The following NTRK3 variants were observed in gnomAD, a reference collection of about 807,000 sequenced individuals.
The protein encoded by NTRK3 is NT-3 growth factor receptor.
In NTRK3, 24 loss-of-function variants were observed where a neutral mutation model predicts 91.7. That is an observed-to-expected ratio of 0.26 (90% CI 0.19 to 0.37). NTRK3 has a LOEUF of 0.37. Among genes scored for constraint, NTRK3 ranks in the 10% least tolerant of loss-of-function variants. The pLI, the probability that NTRK3 is intolerant of heterozygous loss-of-function variation, is 1.00. For missense variants in NTRK3, 880 were observed against 1,068.9 expected (o/e 0.82, Z 2.46); for synonymous variants, 483 against 404.0 (o/e 1.20, Z -2.34).
intron 8 of NTRK3, 82 bp from the exon 9 acceptor site, chr15:88,136,122 A>T: frequency 1.3e-6 from 2 of 1,532,530 alleles, no homozygotes; most frequent in Non-Finnish European, 1.8e-6. Flanking sequence ...TACCTTTAGG[A>T]ATCAAAAGGA....
chr15:88,025,462 C>T (rs1016868174), intron 14 of NTRK3, among the ~76,000 whole-genome samples: 7 of 152,090 alleles, frequency 4.6e-5, no homozygotes, highest in Non-Finnish European at 2.9e-5. Flanking sequence ...ATGGAGTCAC[C>T]GTGGATGTGA....
chr15:87,999,997 A>G lies in NTRK3; in HGVS notation c.1585+32860T>C, dbSNP rs574032440. Among the ~76,000 whole-genome samples the G allele has an allele frequency of 2.0e-5, 3 of 152,338 alleles. No individual in the cohort carries two copies. In the East Asian group the frequency reaches 5.8e-4, roughly 29 times the overall value. On this transcript the variant is annotated intron_variant, in intron 14 of 18. Coordinates refer to ENST00000394480, the Ensembl canonical transcript of NTRK3. ...TGGACTTCTTAGTGCTATGATAGTG[A>G]TACTTATCAGACTTCTTAATGCTAT...
intron 17 of NTRK3, among the ~76,000 whole-genome samples, chr15:87,917,932 G>A (rs1374785021): frequency 6.6e-6 from 1 of 151,844 alleles, no homozygotes; most frequent in African/African-American, 2.4e-5. Flanking sequence ...AGCCACAAGT[G>A]TTTTTTATAG....
intron 14 of NTRK3, among the ~76,000 whole-genome samples, chr15:88,000,257 TCAGACC>T (rs1424190084): frequency 1.3e-5 from 2 of 152,160 alleles, no homozygotes; most frequent in African/African-American, 2.4e-5. Context: ...CCTTGAGTAC[TCAGACC>T]CTCAACACTG....
chr15:88,027,012 A>G (rs1161348140), intron 14 of NTRK3, among the ~76,000 whole-genome samples: 3 of 152,182 alleles, frequency 2.0e-5, no homozygotes, highest in African/African-American at 7.2e-5. Context: ...TCCTTATCCT[A>G]GAAACAGAAG....
intron 13 of NTRK3, among the ~76,000 whole-genome samples, chr15:88,108,975 CCT>C (rs1198259176): frequency 6.6e-6 from 1 of 152,198 alleles, no homozygotes; most frequent in Non-Finnish European, 1.5e-5. Context: ...AGAATCCCTC[CCT>C]CTCTCTGCCC....
chr15:88,111,892 T>A (rs553726973), intron 13 of NTRK3, among the ~76,000 whole-genome samples: 31 of 35,318 alleles, frequency 8.8e-4, no homozygotes, highest in South Asian at 5.1e-3. Context: ...TGGTTTCTGG[T>A]TTTTTTTTTG....
chr15:88,146,668 A>T (rs746071402), intron 6 of NTRK3, among the ~76,000 whole-genome samples: 15 of 152,180 alleles, frequency 9.9e-5, no homozygotes, highest in Non-Finnish European at 2.2e-4. Flanking sequence ...GGGTGCCCTG[A>T]TCAGCCTTGG....
intron 13 of NTRK3, among the ~76,000 whole-genome samples, chr15:88,064,612 T>C (rs891497328): frequency 6.6e-6 from 1 of 152,234 alleles, no homozygotes; most frequent in Non-Finnish European, 1.5e-5. Context: ...TAGGTCTGTC[T>C]GGTTTCTATG....
At chr15:88,161,497 C>T (rs2151435628) in intron 5 of NTRK3, among the ~76,000 whole-genome samples, 1 of 152,310 alleles carries the variant, frequency 6.6e-6, no homozygotes, top group East Asian at 1.9e-4. Flanking sequence ...AAGCCTTCCT[C>T]ACCCCCAGGT....
chr15:87,940,528 G>T (rs1317101773), intron 15 of NTRK3, 95 bp downstream of exon 15: 1 of 1,579,658 alleles, frequency 6.3e-7, no homozygotes, highest in South Asian at 1.1e-5. Context: ...AAAGCCAATT[G>T]AGCACTATCT....
At chr15:87,932,427 A>C (rs183222270) in intron 16 of NTRK3, among the ~76,000 whole-genome samples, 1 of 152,282 alleles carries the variant, frequency 6.6e-6, no homozygotes, top group Admixed American at 6.5e-5. Flanking sequence ...ACTTTAATTA[A>C]TGTAAATCTA....
intron 13 of NTRK3, among the ~76,000 whole-genome samples, chr15:88,057,161 T>C (rs991277619): frequency 1.6e-5 from 2 of 121,538 alleles, no homozygotes; most frequent in South Asian, 2.7e-4. Context: ...AGAGCGAAAC[T>C]CCGTCTCAAA....
chr15:88,131,996 C>T (rs2041404699), intron 10 of NTRK3: 1 of 202,614 alleles, frequency 4.9e-6, no homozygotes, highest in South Asian at 1.9e-4. Flanking sequence ...ATGTCTCCTA[C>T]AGTCCCAGAC....
chr15:88,096,153 T>C (rs1285591277), intron 13 of NTRK3, among the ~76,000 whole-genome samples: 2 of 152,184 alleles, frequency 1.3e-5, no homozygotes, highest in African/African-American at 4.8e-5. Context: ...GGCATCCTAA[T>C]CATGCTGTTC....
At chr15:88,140,110 G>A (rs1184650687) in intron 6 of NTRK3, among the ~76,000 whole-genome samples, 1 of 152,170 alleles carries the variant, frequency 6.6e-6, no homozygotes, top group South Asian at 2.1e-4. Context: ...GCCACATCAG[G>A]AAATTTGGAA....
intron 14 of NTRK3, among the ~76,000 whole-genome samples, chr15:87,982,147 A>G (rs1032170863): frequency 6.6e-6 from 1 of 152,160 alleles, no homozygotes; most frequent in African/African-American, 2.4e-5. Flanking sequence ...GCCCTTTCCC[A>G]TATGAGCCGG....
rs1345468865 is a variant in NTRK3, at chr15:88,087,089, A to C, written c.1396+39182T>G. Among the ~76,000 whole-genome samples, 4 of 152,242 alleles carry C rather than the reference A, an allele frequency of 2.6e-5. No homozygotes were observed. In the East Asian group the frequency reaches 7.7e-4, roughly 29 times the overall value. ...CACAACCTAAAATCATTTTGCTCAC[A>C]CAGTTTATCTAAATATTAACTAAGC... On this transcript the variant is annotated intron_variant, in intron 13 of 18. Coordinates refer to ENST00000394480, the Ensembl canonical transcript of NTRK3.
chr15:87,974,330 T>C (rs965950186), intron 14 of NTRK3, among the ~76,000 whole-genome samples: 14 of 152,156 alleles, frequency 9.2e-5, no homozygotes, highest in African/African-American at 2.4e-4. Context: ...CTTTTTAGGG[T>C]GAGCATTGCA....
Sources: allele counts gnomAD v4.1 joint callset (sites outside exome capture counted in the v4.1 genomes callset), GRCh38; gene constraint gnomAD v4.1.1; transcripts MANE v1.5; gene names NCBI Gene and HGNC (gene_info 2026-07-23, HGNC 2026-07-21).